CORO6: variants seen among roughly 807,000 people sequenced by gnomAD.
CORO6 encodes coronin 6.
In CORO6, 43 loss-of-function variants were observed where a neutral mutation model predicts 49.0. That is an observed-to-expected ratio of 0.88 (90% confidence interval 0.69 to 1.13). The LOEUF is 1.13. Ranked by LOEUF, CORO6 falls within the 50% of genes most tolerant of loss-of-function variation. The pLI, the probability that CORO6 is intolerant of heterozygous loss-of-function variation, is 0.00. For missense variants in CORO6, 650 were observed against 647.0 expected (o/e 1.00, Z -0.05); for synonymous variants, 233 against 256.5 (o/e 0.91, Z 0.88).
rs777178326 is a variant in CORO6, at chr17:29,615,812, G to C, written c.1339C>G (p.Arg447Gly). Reference sequence around the variant, plus strand: ...TGCTCCTGGGCCTGCACCCGCTCGCGGAGGGCCTTGATCTCTTCCAGCAGC... The same window carrying C: ...TGCTCCTGGGCCTGCACCCGCTCGCCGAGGGCCTTGATCTCTTCCAGCAGC... ...ETLLEEIKAL[R>G]ERVQAQEQRI... Residue 447 changes from arginine (R) to glycine (G), a missense_variant, in exon 11 of 11, where the codon CGC becomes GGC. Arg to Gly is a moderately radical substitution (Grantham distance 125, BLOSUM62 -2). Coordinates refer to ENST00000388767, the MANE Select transcript of CORO6 (RefSeq NM_032854.4). The C allele has an allele frequency of 3.2e-6, 5 of 1,574,134 alleles. No individual in the cohort carries two copies. The highest frequency in any genetic ancestry group is 1.8e-4 in the Middle Eastern group (1 of 5,680).
Position 29,617,585 on chromosome 17 carries a change from A to G in CORO6, c.668T>C (p.Met223Thr). 1.2e-6 allele frequency: 2 copies of G among 1,605,852 alleles called. No homozygotes were observed. Among genetic ancestry groups the G allele is most frequent in the Non-Finnish European group, 1.7e-6 (2 of 1,177,486 alleles). The change falls in exon 6 of 11, where the codon ATG (methionine) becomes ACG (threonine). Residue 223 changes from methionine to threonine, a missense_variant. Coordinates refer to ENST00000388767, the MANE Select transcript of CORO6 (RefSeq NM_032854.4). ...RFAAHEGMRP[M>T]RAVFTRQGHI... Reference sequence around the variant, plus strand: ...GCCCTGGCGCGTGAAGACGGCCCGCATGGGCCTCATCCCCTCGTGGGCCGC... The same window carrying G: ...GCCCTGGCGCGTGAAGACGGCCCGCGTGGGCCTCATCCCCTCGTGGGCCGC...
rs540070509 is a variant in CORO6 at position 29,619,281 on chromosome 17, T to G, written c.322-92A>C. On this transcript the variant is annotated intron_variant, in intron 3 of 10. Coordinates refer to ENST00000388767, the MANE Select transcript of CORO6 (RefSeq NM_032854.4). ...TACCTTTTTTTTTAACCCTACTGGC[T>G]CTCTTGAGTGGTAAGGGTCAAATAC... The G allele has an allele frequency of 1.4e-5, 21 of 1,469,864 alleles. 1 individual carries two copies. The South Asian group carries it at 2.5e-4, about 18-fold the overall frequency. 91.1% of individuals were successfully genotyped at this position (1,469,864 alleles called of 1,614,324 possible). A position where few individuals can be genotyped will look rare whatever the true frequency, so the allele number is the denominator to read the frequency against.
intron 4 of CORO6, 38 bp from the exon 5 acceptor site, chr17:29,619,009 C>T (rs762182866): frequency 6.2e-7 from 1 of 1,612,194 alleles, no homozygotes; most frequent in South Asian, 1.1e-5. Flanking sequence ...CTGGGTCCCA[C>T]CTTTGCCACC....
At position 29,615,756 on chromosome 17, in the gene CORO6, G is replaced by A. The variant is rs893395275; in HGVS notation, c.1395C>T (p.Cys465=). 7.7e-6 allele frequency: 12 copies of A among 1,549,022 alleles called. No individual in the cohort carries two copies. Among genetic ancestry groups the A allele is most frequent in the Admixed American group, 2.0e-5 (1 of 50,904 alleles). The change falls in exon 11 of 11, where the codon TGC becomes TGT. Residue 465 remains cysteine, a synonymous_variant. Coordinates refer to ENST00000388767, the MANE Select transcript of CORO6 (RefSeq NM_032854.4). ...QRITALENML[C]ELVDGTD Reference sequence around the variant, plus strand: ...GCTAGTCCGTGCCGTCCACCAGCTCGCACAGCATGTTCTCCAGAGCCGTGA... The same window carrying A: ...GCTAGTCCGTGCCGTCCACCAGCTCACACAGCATGTTCTCCAGAGCCGTGA...
intron 6 of CORO6, chr17:29,617,243 C>G (rs1023171100): frequency 4.6e-6 from 7 of 1,535,604 alleles, no homozygotes; most frequent in Non-Finnish European, 5.2e-6. Flanking sequence ...CACATATACC[C>G]GCTGCGCGCC....
In CORO6 at chr17:29,617,480, C is replaced by T. The variant is rs201055158; in HGVS notation, c.753+20G>A. 2 of 1,599,068 alleles carry T rather than the reference C, an allele frequency of 1.3e-6. No individual in the cohort carries two copies. Among genetic ancestry groups the T allele is most frequent in the East Asian group, 4.5e-5 (2 of 44,824 alleles). On this transcript the variant is annotated intron_variant, in intron 6 of 10. Transcript: ENST00000388767. ...ATGCCAGTCCCCGAGGCACACACCC[C>T]AAGCCTCCAGCTGCGTTACCGGGTC...
At chr17:29,618,752 T>C in intron 5 of CORO6, 38 bp downstream of exon 5, 4 of 1,604,010 alleles carry the variant, frequency 2.5e-6, no homozygotes, top group Non-Finnish European at 3.4e-6. Flanking sequence ...TGGCCACTGG[T>C]CAAGGGGTTC....
At chr17:29,617,359 G>A (rs1160454007) in intron 6 of CORO6, 141 bp downstream of exon 6, 1 of 1,543,262 alleles carries the variant, frequency 6.5e-7, no homozygotes, top group Non-Finnish European at 8.7e-7. Context: ...AGGGGTGGGT[G>A]TGAGAATGGC....
Position 29,615,666 on chromosome 17 carries a change from G to T in CORO6, c.*66C>A. 2 of 1,425,090 alleles carry T rather than the reference G, an allele frequency of 1.4e-6. No homozygotes were observed. Among genetic ancestry groups the T allele is most frequent in the Non-Finnish European group, 1.8e-6 (2 of 1,091,172 alleles). The allele number at this position is 1,425,090 out of a possible 1,614,324, so 88.3% of individuals were successfully genotyped here. A position where few individuals can be genotyped will look rare whatever the true frequency, so the allele number is the denominator to read the frequency against. On this transcript the variant is annotated 3_prime_UTR_variant, in exon 11 of 11. Coordinates refer to ENST00000388767, the MANE Select transcript of CORO6 (RefSeq NM_032854.4). The stretch of plus-strand genomic sequence containing the variant: ...CAAGAAGGCGGGGTCCGGAGTTCGG[G>T]ACTAAAAGCCGGGGCGGGGCCGAGC...
rs377722229 is a variant in CORO6, at chr17:29,621,402, C to G, written c.20G>C (p.Arg7Pro). 6.2e-7 allele frequency: 1 copy of G among 1,611,630 alleles called. No individual in the cohort carries two copies. The highest frequency in any genetic ancestry group is 8.5e-7 in the Non-Finnish European group (1 of 1,178,914). MSRRVVRQSKFRHVFGQ... is the reference protein window; with the variant it reads MSRRVVPQSKFRHVFGQ... ...AAACACATGGCGGAACTTGCTTTGC[C>G]GAACCACACGTCTGCTCATAGCTGC... Residue 7 changes from arginine (R) to proline (P), a missense_variant, in exon 2 of 11, where the codon CGG becomes CCG. By Grantham distance (103) the Arg-to-Pro change is moderately radical. Coordinates refer to ENST00000388767, the MANE Select transcript of CORO6 (RefSeq NM_032854.4). The surrounding 1 kb of genome is among the most constrained non-coding windows in gnomAD (Gnocchi z 4.2).
At position 29,616,437 on chromosome 17, in the gene CORO6, A is replaced by C; in HGVS notation, c.1005-101T>G. 1 of 1,156,692 alleles carries C rather than the reference A, an allele frequency of 8.6e-7. No homozygotes were observed. The highest frequency in any genetic ancestry group is 2.5e-5 in the East Asian group (1 of 39,420). 71.7% of individuals were successfully genotyped at this position (1,156,692 alleles called of 1,614,324 possible). ...GGAGGCCAACACTTGCTCAGCGCCTACCATGCATATTGCACATTACACACA... is the reference window on the plus strand; with the variant it reads ...GGAGGCCAACACTTGCTCAGCGCCTCCCATGCATATTGCACATTACACACA... On this transcript the variant is annotated intron_variant, in intron 8 of 10. Transcript: ENST00000388767. This position sits in a 1 kb window ranked among gnomAD's most constrained non-coding sequence, Gnocchi z 5.6.
At chr17:29,619,314 G>T in intron 3 of CORO6, 125 bp from the exon 4 acceptor site, 1 of 1,201,612 alleles carries the variant, frequency 8.3e-7, no homozygotes, top group Non-Finnish European at 1.2e-6. Context: ...TACAGGGCAA[G>T]ATGTGGTGGT....
At position 29,616,304 on chromosome 17, in the gene CORO6, G is replaced by C; in HGVS notation, c.1037C>G (p.Pro346Arg). 6.2e-7 allele frequency: 1 copy of C among 1,610,748 alleles called. No individual in the cohort carries two copies. The highest frequency in any genetic ancestry group is 8.5e-7 in the Non-Finnish European group (1 of 1,178,430). ...CTTGCGGGGCACAGTCATGATGATAGGTTCACACTTTCTTTCGTGTAGCTT... is the reference window on the plus strand; with the variant it reads ...CTTGCGGGGCACAGTCATGATGATACGTTCACACTTTCTTTCGTGTAGCTT... ...FYKLHERKCE[P>R]IIMTVPRKSD... The change falls in exon 9 of 11, where the codon CCT (proline) becomes CGT (arginine). Residue 346 changes from proline (P) to arginine (R), a missense_variant. Pro to Arg is a moderately radical substitution (Grantham distance 103). Transcript: ENST00000388767. This position sits in a 1 kb window ranked among gnomAD's most constrained non-coding sequence, Gnocchi z 5.6.
chr17:29,619,895 C>T lies in CORO6; in HGVS notation c.199-122G>A, dbSNP rs2035221287. ...TTTTCTCTTTGCAGATCCCTCTCTG[C>T]ACTTCTAACCCCATCCAGTCCACTT... On this transcript the variant is annotated intron_variant, in intron 2 of 10. Transcript: ENST00000388767. The T allele has an allele frequency of 1.2e-5, 10 of 820,260 alleles. No individual in the cohort carries two copies. The South Asian group carries it at 1.6e-4, about 13-fold the overall frequency. 50.8% of individuals were successfully genotyped at this position (820,260 alleles called of 1,614,324 possible). A position where few individuals can be genotyped will look rare whatever the true frequency, so the allele number is the denominator to read the frequency against.
chr17:29,618,466 G>C (rs1055623612), intron 5 of CORO6: 1 of 1,288,646 alleles, frequency 7.8e-7, no homozygotes, highest in African/African-American at 1.5e-5. Context: ...AGGGGTCCAG[G>C]AGCTCAGGTT....
At position 29,621,501 on chromosome 17, in the gene CORO6, G is replaced by A. The variant is rs117879473; in HGVS notation, c.-63-17C>T. ...TCCTGTGAGCTGCGGGAGGGAGGAG[G>A]AGTGGAGGGGTGGCTGATGAGAAGG... On this transcript the variant is annotated splice_polypyrimidine_tract_variant and intron_variant, in intron 1 of 10. Coordinates refer to ENST00000388767, the MANE Select transcript of CORO6 (RefSeq NM_032854.4). This position sits in a 1 kb window ranked among gnomAD's most constrained non-coding sequence, Gnocchi z 4.2. 5 of 1,538,664 alleles carry A rather than the reference G, an allele frequency of 3.2e-6. No individual in the cohort carries two copies. The highest frequency in any genetic ancestry group is 2.5e-5 in the East Asian group (1 of 40,604).
rs2035294029 is a variant in CORO6, at chr17:29,621,273, A to G, written c.149T>C (p.Ile50Thr). The G allele has an allele frequency of 1.9e-6, 3 of 1,614,046 alleles. No individual in the cohort carries two copies. The highest frequency in any genetic ancestry group is 1.3e-5 in the African/African-American group (1 of 74,926). Residue 50 changes from isoleucine to threonine, a missense_variant, in exon 2 of 11, where the codon ATT becomes ACT. Coordinates refer to ENST00000388767, the MANE Select transcript of CORO6 (RefSeq NM_032854.4). This position sits in a 1 kb window ranked among gnomAD's most constrained non-coding sequence, Gnocchi z 4.2. ...CAVNPKFLAI[I>T]VEAGGGGAFI... is the part of the protein sequence containing the mutation. ...GGCACCCCCGCCTCCAGCCTCCACA[A>G]TAATGGCCAGGAATTTGGGGTTGAC... is the stretch of plus-strand genomic sequence containing the variant.
chr17:29,619,583 CA>C, intron 3 of CORO6, 67 bp downstream of exon 3: 1 of 1,524,044 alleles, frequency 6.6e-7, no homozygotes, highest in East Asian at 2.3e-5. Context: ...GCACCTTCCC[CA>C]GCACAGGTGA....
In CORO6 at chr17:29,616,125, C is replaced by A. The variant is rs1394792261; in HGVS notation, c.1113G>T (p.Pro371=). The A allele has an allele frequency of 1.2e-6, 2 of 1,613,384 alleles. No homozygotes were observed. Among genetic ancestry groups the A allele is most frequent in the Non-Finnish European group, 8.5e-7 (1 of 1,180,014 alleles). Residue 371 remains proline, a synonymous_variant, in exon 10 of 11, where the codon CCG becomes CCT. Coordinates refer to ENST00000388767, the MANE Select transcript of CORO6 (RefSeq NM_032854.4). The surrounding 1 kb of genome is among the most constrained non-coding windows in gnomAD (Gnocchi z 5.6). ...ATAGCCATTCGTCCGCTTCTAGGGC[C>A]GGCTCCGGGCCTGGCGTATCCGGGT... ...DLYPDTPGPE[P]ALEADEWLSG...
Sources: allele counts gnomAD v4.1 joint callset, GRCh38; gene constraint gnomAD v4.1.1; non-coding constraint Gnocchi (gnomAD v3.1); transcripts MANE v1.5; gene names NCBI Gene and HGNC (gene_info 2026-07-23, HGNC 2026-07-21).